Variants in SLC26A3 observed in about 807,000 individuals in gnomAD.
The protein encoded by SLC26A3 is chloride anion exchanger.
In SLC26A3, 64 loss-of-function variants were observed where a neutral mutation model predicts 85.6. That is an observed-to-expected ratio of 0.75 (90% CI 0.61 to 0.92). The LOEUF (loss-of-function observed/expected upper bound fraction) is 0.92, where lower values mean the gene tolerates loss of function less well. Among genes scored for constraint, SLC26A3 ranks in the 40% least tolerant of loss-of-function variants. The pLI is 0.00. For missense variants in SLC26A3, 922 were observed against 927.3 expected, an observed-to-expected ratio of 0.99 and a Z score of 0.07; for synonymous variants, 349 against 336.0, an observed-to-expected ratio of 1.04 and a Z score of -0.42.
chr7:107,791,026 A>T, intron 5 of SLC26A3, 22 bp downstream of exon 5: 1 of 1,611,628 alleles, frequency 6.2e-7, no homozygotes. Flanking sequence ...GAGGTGGGCA[A>T]GTTACATGAG....
chr7:107,790,926 T>G, intron 5 of SLC26A3, 122 bp downstream of exon 5: 1 of 1,023,350 alleles, frequency 9.8e-7, no homozygotes, highest in Non-Finnish European at 1.5e-6. Flanking sequence ...CTATGGGCCA[T>G]GAGGGAGAGA....
At chr7:107,782,056 A>G in intron 11 of SLC26A3, among the ~76,000 whole-genome samples, 1 of 152,156 alleles carries the variant, frequency 6.6e-6, no homozygotes, top group East Asian at 1.9e-4. Context: ...AGCAAGGTTA[A>G]GTAATTTGCC....
Position 107,765,978 on chromosome 7 carries a change from T to C in SLC26A3, c.2272-100A>G. The stretch of plus-strand genomic sequence containing the variant: ...GAATTTACCAGAGTTAACAGGTTTT[T>C]TTTTTGTCTTGAATTTTAATGATCA... On this transcript the variant is annotated intron_variant, in intron 20 of 20. Coordinates refer to ENST00000340010, the MANE Select transcript of SLC26A3 (RefSeq NM_000111.3). 4 of 984,046 alleles carry C rather than the reference T, an allele frequency of 4.1e-6. No individual in the cohort carries two copies. In the South Asian group the frequency reaches 5.5e-5, roughly 13 times the overall value. The allele number at this position is 984,046 out of a possible 1,614,324, so 61.0% of individuals were successfully genotyped here. A position where few individuals can be genotyped will look rare whatever the true frequency, so the allele number is the denominator to read the frequency against.
chr7:107,786,349 T>C (rs1001916255), intron 8 of SLC26A3, among the ~76,000 whole-genome samples: 2 of 152,038 alleles, frequency 1.3e-5, no homozygotes, highest in Admixed American at 1.3e-4. Context: ...AAACAAGAGA[T>C]GGGGGTCTTG....
At chr7:107,780,873 A>G (rs1794205674) in intron 11 of SLC26A3, among the ~76,000 whole-genome samples, 1 of 152,226 alleles carries the variant, frequency 6.6e-6, no homozygotes, top group Non-Finnish European at 1.5e-5. Context: ...ATACTAATGT[A>G]TAGTACTGAT....
In SLC26A3 at chr7:107,773,992, G is replaced by T; in HGVS notation, c.1935C>A (p.Ser645Arg). ...AAAAGTCAAGAATGAGGCTGTGGAG[G>T]CTGATTTTGGGGACCTCAATGTTGA... Reference protein sequence around the residue: ...LPLNIEVPKISLHSLILDFSA... With the variant: ...LPLNIEVPKIRLHSLILDFSA... Residue 645 changes from serine (S) to arginine (R), a missense_variant, in exon 17 of 21, where the codon AGC (serine) becomes AGA (arginine). Transcript: ENST00000340010. The T allele has an allele frequency of 6.2e-7, 1 of 1,614,154 alleles. No homozygotes were observed. Among genetic ancestry groups the T allele is most frequent in the Non-Finnish European group, 8.5e-7 (1 of 1,180,006 alleles).
intron 17 of SLC26A3, among the ~76,000 whole-genome samples, chr7:107,773,088 T>C (rs951110843): frequency 6.6e-5 from 10 of 152,238 alleles, no homozygotes; most frequent in African/African-American, 2.2e-4. Context: ...GAAATATGAT[T>C]AATCTGTGGA....
chr7:107,767,849 T>C lies in SLC26A3; in HGVS notation c.2122A>G (p.Ile708Val), dbSNP rs1366308547. 4 of 1,613,520 alleles carry C rather than the reference T, an allele frequency of 2.5e-6. No homozygotes were observed. The highest frequency in any genetic ancestry group is 1.3e-5 in the African/African-American group (1 of 74,904). Reference sequence around the variant, plus strand: ...GCATCATGGATTGTTAAGAAAAATATTGAGCTTTTCACTTCACCATCAAAA... The same window carrying C: ...GCATCATGGATTGTTAAGAAAAATACTGAGCTTTTCACTTCACCATCAAAA... ...EFFDGEVKSS[I>V]FFLTIHDAVL... Residue 708 changes from isoleucine (I) to valine (V), a missense_variant, in exon 19 of 21, where the codon ATA becomes GTA. Ile to Val is a conservative substitution (Grantham distance 29, BLOSUM62 3). Transcript: ENST00000340010.
rs1794313047 is a variant in SLC26A3 at position 107,787,264 on chromosome 7, C to G, written c.888+93G>C. ...CCGAAAACTGCAGAGATGGCCTCTG[C>G]CCCACTAAAACTTCCTGAGCTACAA... On this transcript the variant is annotated intron_variant, in intron 7 of 20. Transcript: ENST00000340010. 4 of 1,305,292 alleles carry G rather than the reference C, an allele frequency of 3.1e-6. No individual in the cohort carries two copies. The South Asian group carries it at 4.7e-5, about 15-fold the overall frequency. 80.9% of individuals were successfully genotyped at this position (1,305,292 alleles called of 1,614,324 possible).
intron 6 of SLC26A3, 114 bp downstream of exon 6, chr7:107,789,410 A>T: frequency 1.8e-6 from 2 of 1,095,408 alleles, no homozygotes; most frequent in South Asian, 2.8e-5. Context: ...AATATGAAAA[A>T]ATTTTACAAA....
chr7:107,780,502 A>G (rs1794199346), intron 11 of SLC26A3, among the ~76,000 whole-genome samples: 1 of 152,166 alleles, frequency 6.6e-6, no homozygotes. Context: ...TTTGGATTTT[A>G]TCGTAATTGT....
intron 7 of SLC26A3, 77 bp from the exon 8 acceptor site, chr7:107,786,986 C>A: frequency 8.0e-7 from 1 of 1,242,320 alleles, no homozygotes; most frequent in Non-Finnish European, 1.2e-6. Context: ...AATAAATTGC[C>A]AAAACCCACT....
chr7:107,793,993 T>G, intron 2 of SLC26A3, 112 bp from the exon 3 acceptor site: 1 of 1,361,266 alleles, frequency 7.3e-7, no homozygotes, highest in Non-Finnish European at 1.0e-6. Context: ...AACTAGTAAT[T>G]TCACTCCCAG....
chr7:107,791,969 A>C, intron 3 of SLC26A3, 29 bp from the exon 4 acceptor site: 2 of 1,318,258 alleles, frequency 1.5e-6, no homozygotes, highest in Non-Finnish European at 2.2e-6. Flanking sequence ...CAGAGCCCTT[A>C]CTCTGTGCAA....
intron 17 of SLC26A3, among the ~76,000 whole-genome samples, chr7:107,773,554 GTT>G (rs946039840): frequency 6.6e-6 from 1 of 151,958 alleles, no homozygotes; most frequent in East Asian, 1.9e-4. Context: ...CACAAATACA[GTT>G]TTTTTTGTTG....
chr7:107,800,409 T>A (rs1794579714), intron 1 of SLC26A3, among the ~76,000 whole-genome samples: 1 of 152,254 alleles, frequency 6.6e-6, no homozygotes. Context: ...TGTATCAGCC[T>A]ATTATTTGTC....
intron 17 of SLC26A3, 119 bp from the exon 18 acceptor site, chr7:107,772,227 T>C (rs1794040673): frequency 5.8e-6 from 4 of 691,590 alleles, no homozygotes; most frequent in Non-Finnish European, 1.0e-5. Flanking sequence ...TTTAACATTT[T>C]GAAAAGAGAT....
Position 107,772,048 on chromosome 7 carries a change from A to G in SLC26A3, c.2062+6T>C. 6.2e-7 allele frequency: 1 copy of G among 1,608,358 alleles called. No individual in the cohort carries two copies. The highest frequency in any genetic ancestry group is 1.7e-4 in the Middle Eastern group (1 of 6,040). ...CAGAACATAAAACAAAAATAAAGCC[A>G]CTTACCATCAGTTCCAACGATATAC... On this transcript the variant is annotated splice_donor_region_variant and intron_variant, in intron 18 of 20. Coordinates refer to ENST00000340010, the MANE Select transcript of SLC26A3 (RefSeq NM_000111.3).
chr7:107,795,162 CT>C (rs1794475221), intron 1 of SLC26A3, among the ~76,000 whole-genome samples: 1 of 152,042 alleles, frequency 6.6e-6, no homozygotes, highest in Non-Finnish European at 1.5e-5. Flanking sequence ...TATTTGTTTA[CT>C]TCATTTGTGA....
Sources: allele counts gnomAD v4.1 joint callset (sites outside exome capture counted in the v4.1 genomes callset), GRCh38; gene constraint gnomAD v4.1.1; transcripts MANE v1.5; gene names NCBI Gene and HGNC (gene_info 2026-07-23, HGNC 2026-07-21).